The following SPATA45 variants were observed in gnomAD, a reference collection of about 807,000 sequenced individuals.
The protein encoded by SPATA45 is spermatogenesis associated 45, also known as spermatogenesis-associated protein 45.
In SPATA45, 5 loss-of-function variants were observed where a neutral mutation model predicts 7.0. That is an observed-to-expected ratio of 0.71 (90% CI 0.37 to 1.50). The LOEUF is 1.50. Among genes scored for constraint, SPATA45 ranks in the 40% most tolerant of loss-of-function variants. The probability of loss-of-function intolerance (pLI) is 0.03; values close to 1 mark genes in which losing one functional copy is unlikely to be tolerated. For missense variants in SPATA45, 111 were observed against 114.9 expected, an observed-to-expected ratio of 0.97 and a Z score of 0.16; for synonymous variants, 40 against 38.7, an observed-to-expected ratio of 1.03 and a Z score of -0.13.
At chr1:212,838,367 A>G (rs1345120238) in intron 1 of SPATA45, among the ~76,000 whole-genome samples, 1 of 151,344 alleles carries the variant, frequency 6.6e-6, no homozygotes, top group East Asian at 1.9e-4. Flanking sequence ...CAATACTACA[A>G]TGAGATATCA....
chr1:212,846,103 T>G (rs904013150), intron 1 of SPATA45, among the ~76,000 whole-genome samples: 7 of 152,190 alleles, frequency 4.6e-5, no homozygotes, highest in Non-Finnish European at 8.8e-5. Flanking sequence ...TCCTTCCATT[T>G]AGTTTCTCAA....
chr1:212,845,042 C>T (rs1663767091), intron 1 of SPATA45, among the ~76,000 whole-genome samples: 1 of 152,196 alleles, frequency 6.6e-6, no homozygotes, highest in Non-Finnish European at 1.5e-5. Context: ...TCAATCTCTT[C>T]CCACACAAGG....
Position 212,830,207 on chromosome 1 carries a change from G to A in SPATA45, c.*35C>T. On this transcript the variant is annotated 3_prime_UTR_variant, in exon 3 of 3. Coordinates refer to ENST00000332912, the MANE Select transcript of SPATA45 (RefSeq NM_001024601.3). ...TTAGACACACTGAAGAAGAATCAAA[G>A]AGAATGTATTTCCGTGTGTCTCTGG... 4 of 1,457,938 alleles carry A rather than the reference G, an allele frequency of 2.7e-6. No homozygotes were observed. The South Asian group carries it at 4.9e-5, about 18-fold the overall frequency. 90.3% of individuals were successfully genotyped at this position (1,457,938 alleles called of 1,614,324 possible).
intron 2 of SPATA45, among the ~76,000 whole-genome samples, chr1:212,835,477 C>G (rs10399914): frequency 0.24 from 36,114 of 151,262 alleles, 6,486 homozygotes; most frequent in African/African-American, 0.48. Flanking sequence ...AAGCTGAGAT[C>G]GTGCCATTGC....
chr1:212,835,845 A>G lies in SPATA45; in HGVS notation c.277+28T>C, dbSNP rs375808680. The G allele has an allele frequency of 2.2e-4, 343 of 1,562,400 alleles. 5 individuals carry two copies. In the African/African-American group the frequency reaches 4.2e-3, roughly 19 times the overall value. ...GAGCAAAACTCCATCTCAAAAAAAAAAAAAAAAATCCTATGATAACTTCTT... is the reference window on the plus strand; with the variant it reads ...GAGCAAAACTCCATCTCAAAAAAAAGAAAAAAAATCCTATGATAACTTCTT... On this transcript the variant is annotated intron_variant, in intron 2 of 2. Transcript: ENST00000332912.
intron 2 of SPATA45, among the ~76,000 whole-genome samples, chr1:212,830,777 T>G (rs1663472224): frequency 6.6e-6 from 1 of 150,430 alleles, no homozygotes; most frequent in Admixed American, 6.6e-5. Flanking sequence ...GGTCAAGAGA[T>G]GGAGACCATC....
In SPATA45 at chr1:212,836,128, T is replaced by C. The variant is rs1036069070; in HGVS notation, c.22A>G (p.Ile8Val). Residue 8 changes from isoleucine to valine, a missense_variant, in exon 2 of 3, where the codon ATT (isoleucine) becomes GTT (valine). Ile to Val is a conservative substitution (Grantham distance 29). Transcript: ENST00000332912. MASINRT[I>V]EIMKKHGVSK... ...ACTCCATGTTTTTTCATTATTTCAA[T>C]GGTTCTGTTTATAGATGCCATTATG... The C allele has an allele frequency of 1.0e-5, 16 of 1,604,268 alleles. No individual in the cohort carries two copies. The highest frequency in any genetic ancestry group is 2.7e-5 in the African/African-American group (2 of 74,728).
intron 2 of SPATA45, among the ~76,000 whole-genome samples, chr1:212,832,484 C>G (rs1043168227): frequency 6.8e-6 from 1 of 147,562 alleles, no homozygotes; most frequent in African/African-American, 2.5e-5. Flanking sequence ...GCTAGGATTA[C>G]AGGCATGAGC....
intron 2 of SPATA45, among the ~76,000 whole-genome samples, chr1:212,830,620 C>T (rs576282042): frequency 6.8e-6 from 1 of 147,790 alleles, no homozygotes; most frequent in African/African-American, 2.5e-5. Context: ...TGCAGTGAGC[C>T]GAGATCACAC....
intron 1 of SPATA45, among the ~76,000 whole-genome samples, chr1:212,844,894 A>G (rs12408421): frequency 0.042 from 6,435 of 152,258 alleles, 185 homozygotes; most frequent in Non-Finnish European, 0.066. Flanking sequence ...AAGGCATCAG[A>G]TCCCATCGCT....
intron 1 of SPATA45, 86 bp from the exon 2 acceptor site, chr1:212,836,273 G>T: frequency 1.8e-6 from 2 of 1,099,486 alleles, no homozygotes; most frequent in Non-Finnish European, 2.6e-6. Flanking sequence ...TTCTCTTTTT[G>T]CCTTCTATAA....
At chr1:212,845,074 A>G (rs934148711) in intron 1 of SPATA45, among the ~76,000 whole-genome samples, 5 of 152,196 alleles carry the variant, frequency 3.3e-5, no homozygotes, top group African/African-American at 1.2e-4. Context: ...TGGACCAAGG[A>G]AAATATCTCC....
chr1:212,830,247 C>A lies in SPATA45; in HGVS notation c.292G>T (p.Gly98Ter). The A allele has an allele frequency of 6.6e-7, 1 of 1,520,476 alleles. No individual in the cohort carries two copies. The highest frequency in any genetic ancestry group is 9.1e-7 in the Non-Finnish European group (1 of 1,104,746). 94.2% of individuals were successfully genotyped at this position (1,520,476 alleles called of 1,614,324 possible). A position where few individuals can be genotyped will look rare whatever the true frequency, so the allele number is the denominator to read the frequency against. Residue 98 changes from glycine (G) to a stop codon, truncating the protein, a stop_gained, in exon 3 of 3, where the codon GGA (glycine) becomes TGA (stop). Transcript: ENST00000332912. LOFTEE classifies it high-confidence loss of function. ...TGTGTCTCTGGAGATGCACTTTATC[C>A]AAATATGGCATTATCTGAAAAAATA... ...HFPPKNNAIF[G>*]
chr1:212,830,627 A>T (rs1348295192), intron 2 of SPATA45, among the ~76,000 whole-genome samples: 1 of 147,356 alleles, frequency 6.8e-6, no homozygotes, highest in Non-Finnish European at 1.5e-5. Context: ...AGCCGAGATC[A>T]CACCACTGCA....
intron 1 of SPATA45, among the ~76,000 whole-genome samples, chr1:212,846,357 CTTA>C (rs1193213023): frequency 1.3e-5 from 2 of 152,086 alleles, no homozygotes; most frequent in Non-Finnish European, 2.9e-5. Flanking sequence ...TTTTGTTTTT[CTTA>C]TTATAATATA....
chr1:212,832,097 C>A (rs1663500560), intron 2 of SPATA45, among the ~76,000 whole-genome samples: 1 of 140,972 alleles, frequency 7.1e-6, no homozygotes, highest in Non-Finnish European at 1.5e-5. Context: ...CTGCTCACTG[C>A]AACCTCCTCC....
chr1:212,831,791 A>C (rs1444379343), intron 2 of SPATA45, among the ~76,000 whole-genome samples: 1 of 151,226 alleles, frequency 6.6e-6, no homozygotes, highest in Non-Finnish European at 1.5e-5. Flanking sequence ...GCTAGGTTCG[A>C]CCATCAGGAC....
chr1:212,846,297 C>T (rs1663792745), intron 1 of SPATA45, among the ~76,000 whole-genome samples: 1 of 152,176 alleles, frequency 6.6e-6, no homozygotes, highest in Admixed American at 6.5e-5. Context: ...ATTATCTCTC[C>T]ATACCACCCC....
At chr1:212,832,403 C>T (rs1209062494) in intron 2 of SPATA45, among the ~76,000 whole-genome samples, 3 of 109,558 alleles carry the variant, frequency 2.7e-5, no homozygotes, top group African/African-American at 1.1e-4. Context: ...GAGAAGAGGT[C>T]TCTCTATGTT....
Sources: gnomAD v4.1 joint callset for allele counts (sites outside exome capture counted in the v4.1 genomes callset) on GRCh38, gnomAD v4.1.1 for gene constraint, MANE v1.5 for transcripts, NCBI Gene and HGNC (gene_info 2026-07-23, HGNC 2026-07-21) for gene names.